MCHR2: variants seen among roughly 807,000 people sequenced by gnomAD.
The protein encoded by MCHR2 is melanin concentrating hormone receptor 2.
MCHR2 carries 15 observed loss-of-function variants against 24.8 expected under a neutral mutation model. The observed-to-expected ratio is 0.60, with a 90% CI of 0.40 to 0.93. MCHR2 has a LOEUF of 0.93. MCHR2 is among the 40% of genes least tolerant of loss of function. The pLI is 0.00. For missense variants in MCHR2, 386 were observed against 408.7 expected (o/e 0.94, Z 0.48); for synonymous variants, 151 against 147.6 (o/e 1.02, Z -0.17).
At chr6:99,982,554 G>A (rs772198389) in intron 1 of MCHR2, among the ~76,000 whole-genome samples, 4 of 147,420 alleles carry the variant, frequency 2.7e-5, no homozygotes, top group South Asian at 2.2e-4. Context: ...CAGGAAGATC[G>A]CTTGAGCCTG....
chr6:99,944,582 C>T (rs1333143647), intron 3 of MCHR2, among the ~76,000 whole-genome samples: 1 of 152,128 alleles, frequency 6.6e-6, no homozygotes, highest in Non-Finnish European at 1.5e-5. Flanking sequence ...GGCTCCTCAG[C>T]TACCCATCCT....
chr6:99,927,345 T>C (rs1190952751), intron 5 of MCHR2, among the ~76,000 whole-genome samples: 1 of 152,192 alleles, frequency 6.6e-6, no homozygotes, highest in African/African-American at 2.4e-5. Context: ...ATATGAACTT[T>C]AAAATAGTTT....
At position 99,944,014 on chromosome 6, in the gene MCHR2, G is replaced by A. The variant is rs571097749; in HGVS notation, c.393-871C>T. 2.6e-5 allele frequency among the ~76,000 whole-genome samples: 4 copies of A among 152,304 alleles called. No individual in the cohort carries two copies. In the East Asian group the frequency reaches 7.7e-4, roughly 29 times the overall value. On this transcript the variant is annotated intron_variant, in intron 3 of 5. Coordinates refer to ENST00000281806, the MANE Select transcript of MCHR2 (RefSeq NM_001040179.2). ...TTTGCCCTGATGGCTTTATACTTAA[G>A]TCACCAGGCTCATGGAGTTTCAGCT...
rs531000080 is a variant in MCHR2, at chr6:99,975,342, C to T, written c.-28+18594G>A. 2.7e-4 allele frequency among the ~76,000 whole-genome samples: 41 copies of T among 152,264 alleles called. 1 individual carries two copies. In the South Asian group the frequency reaches 5.4e-3, roughly 20 times the overall value. On this transcript the variant is annotated intron_variant, in intron 1 of 5. Coordinates refer to ENST00000281806, the MANE Select transcript of MCHR2 (RefSeq NM_001040179.2). The stretch of plus-strand genomic sequence containing the variant: ...CTCAGACTGCTGTGCTAGGAATCAG[C>T]GAGACTCCGTGGCCGTAGGACCCTC...
At chr6:99,980,652 A>G (rs1240957949) in intron 1 of MCHR2, among the ~76,000 whole-genome samples, 1 of 151,950 alleles carries the variant, frequency 6.6e-6, no homozygotes, top group East Asian at 1.9e-4. Context: ...TCGAGATATA[A>G]CCTTTCCAAC....
intron 5 of MCHR2, among the ~76,000 whole-genome samples, chr6:99,929,794 T>C (rs542240310): frequency 9.3e-5 from 14 of 151,208 alleles, no homozygotes; most frequent in East Asian, 7.7e-4. Flanking sequence ...CTTTATCCAA[T>C]TTGCCAGTCT....
chr6:99,925,391 T>C (rs1371136621), intron 5 of MCHR2, among the ~76,000 whole-genome samples: 2 of 152,078 alleles, frequency 1.3e-5, no homozygotes, highest in Non-Finnish European at 2.9e-5. Context: ...AGTCCATTTA[T>C]ATTCAATGTT....
At chr6:99,962,908 C>CA (rs1349124624) in intron 1 of MCHR2, among the ~76,000 whole-genome samples, 1 of 151,828 alleles carries the variant, frequency 6.6e-6, no homozygotes, top group Non-Finnish European at 1.5e-5. Flanking sequence ...AGCAAATAAG[C>CA]AAATAACTCG....
intron 1 of MCHR2, among the ~76,000 whole-genome samples, chr6:99,975,284 TC>T (rs1347791532): frequency 4.6e-5 from 7 of 152,132 alleles, no homozygotes; most frequent in African/African-American, 1.4e-4. Context: ...CAGGTGCCCT[TC>T]CCCCAGTCTC....
At chr6:99,929,454 T>G (rs1774452448) in intron 5 of MCHR2, among the ~76,000 whole-genome samples, 1 of 152,188 alleles carries the variant, frequency 6.6e-6, no homozygotes, top group African/African-American at 2.4e-5. Context: ...AGTCTCCCGT[T>G]ATTATTGTGT....
At chr6:99,971,436 C>G (rs1192993964) in intron 1 of MCHR2, among the ~76,000 whole-genome samples, 2 of 152,082 alleles carry the variant, frequency 1.3e-5, no homozygotes, top group Non-Finnish European at 2.9e-5. Context: ...GCTGAAATTG[C>G]TTATCAGCTT....
chr6:99,990,284 G>A (rs150050881), intron 1 of MCHR2, among the ~76,000 whole-genome samples: 3 of 152,264 alleles, frequency 2.0e-5, no homozygotes, highest in East Asian at 1.9e-4. Flanking sequence ...TATTTTACAT[G>A]CTTAATACAA....
chr6:99,952,379 C>T (rs1582388687), intron 2 of MCHR2, among the ~76,000 whole-genome samples: 3 of 152,172 alleles, frequency 2.0e-5, no homozygotes, highest in Admixed American at 6.5e-5. Flanking sequence ...ATTTTATATA[C>T]GTTTCTAGTC....
chr6:99,928,262 C>T (rs1774416779), intron 5 of MCHR2, among the ~76,000 whole-genome samples: 1 of 152,158 alleles, frequency 6.6e-6, no homozygotes, highest in African/African-American at 2.4e-5. Flanking sequence ...AGGATTTTTG[C>T]ATCAATGTTC....
At chr6:99,938,959 T>C (rs1774721257) in intron 4 of MCHR2, among the ~76,000 whole-genome samples, 1 of 152,014 alleles carries the variant, frequency 6.6e-6, no homozygotes, top group African/African-American at 2.4e-5. Flanking sequence ...TTGTCTTCTT[T>C]TACAGTCATT....
intron 3 of MCHR2, among the ~76,000 whole-genome samples, chr6:99,946,704 G>A (rs956365186): frequency 2.0e-5 from 3 of 152,056 alleles, no homozygotes; most frequent in Admixed American, 6.6e-5. Context: ...ACACACACAC[G>A]TGATTTATGT....
chr6:99,993,202 A>AT (rs529734360), intron 1 of MCHR2, among the ~76,000 whole-genome samples: 142 of 152,232 alleles, frequency 9.3e-4, no homozygotes, highest in African/African-American at 3.3e-3. Context: ...CAAGAAGCAC[A>AT]TTTTTAGAAA....
chr6:99,929,261 T>C lies in MCHR2; in HGVS notation c.707+5137A>G, dbSNP rs550958860. On this transcript the variant is annotated intron_variant, in intron 5 of 5. Transcript: ENST00000281806. ...CTGAGGAGAGCTTTACTTCCAAGTA[T>C]GTGGTCAATTTTGGAATAGGTGTGG... Among the ~76,000 whole-genome samples the C allele has an allele frequency of 2.1e-3, 314 of 152,288 alleles. 3 individuals are homozygous for C. The highest frequency in any genetic ancestry group is 7.1e-3 in the African/African-American group (297 of 41,544).
intron 1 of MCHR2, among the ~76,000 whole-genome samples, chr6:99,987,169 C>T (rs945816088): frequency 4.6e-5 from 7 of 151,498 alleles, no homozygotes; most frequent in Admixed American, 2.6e-4. Flanking sequence ...GGTGTGATCT[C>T]GGCTCACTGC....
Sources: allele counts gnomAD v4.1 joint callset (sites outside exome capture counted in the v4.1 genomes callset), GRCh38; gene constraint gnomAD v4.1.1; transcripts MANE v1.5; gene names NCBI Gene and HGNC (gene_info 2026-07-23, HGNC 2026-07-21).